NUDT3: variants seen among roughly 807,000 people sequenced by gnomAD.
The protein encoded by NUDT3 is diphosphoinositol polyphosphate phosphohydrolase 1.
Under a neutral mutation model 23.6 loss-of-function variants are expected in NUDT3, and 9 were observed. The ratio of observed to expected loss-of-function variants is 0.38; its 90% CI spans 0.23 to 0.66. The LOEUF (loss-of-function observed/expected upper bound fraction) is 0.66. NUDT3 is among the 30% of genes least tolerant of loss of function. NUDT3 has a pLI of 0.52. For missense variants in NUDT3, 172 were observed against 218.5 expected (o/e 0.79, Z 1.34); for synonymous variants, 86 against 82.6 (o/e 1.04, Z -0.22).
intron 2 of NUDT3, among the ~76,000 whole-genome samples, chr6:34,334,408 G>A: frequency 6.6e-6 from 1 of 152,150 alleles, no homozygotes; most frequent in South Asian, 2.1e-4. Context: ...GGAGGCCGAG[G>A]CAGGTGGATC....
rs1323853716 is a variant in NUDT3, at chr6:34,281,105, G to A, written c.*7648C>T. On this transcript the variant is annotated 3_prime_UTR_variant, in exon 5 of 5. Transcript: ENST00000607016. ...AGTTCATCTCTTTTATAAGTAGAAT[G>A]GTCCCAGGGATGTTAACCTTTCTGA... 2 of 152,186 alleles carry A rather than the reference G, an allele frequency of 1.3e-5. No homozygotes were observed. Among genetic ancestry groups the A allele is most frequent in the Non-Finnish European group, 2.9e-5 (2 of 68,034 alleles). The allele number at this position is 152,186 out of a possible 1,614,324, so 9.4% of individuals were successfully genotyped here.
intron 1 of NUDT3, among the ~76,000 whole-genome samples, chr6:34,343,776 A>G (rs918304722): frequency 2.0e-5 from 3 of 152,206 alleles, no homozygotes; most frequent in Non-Finnish European, 4.4e-5. Flanking sequence ...TCTGTGTAAC[A>G]AAGGACATAA....
At chr6:34,313,330 T>C (rs991223013) in intron 2 of NUDT3, among the ~76,000 whole-genome samples, 5 of 151,894 alleles carry the variant, frequency 3.3e-5, no homozygotes, top group Non-Finnish European at 7.4e-5. Flanking sequence ...AAAAGATCAG[T>C]GGTTGTCAGG....
chr6:34,353,279 C>T (rs1404327847), intron 1 of NUDT3, among the ~76,000 whole-genome samples: 4 of 152,114 alleles, frequency 2.6e-5, no homozygotes, highest in African/African-American at 9.7e-5. Flanking sequence ...TAAATAACCA[C>T]AGGGTATGTT....
intron 2 of NUDT3, among the ~76,000 whole-genome samples, chr6:34,326,456 G>A (rs929139770): frequency 2.0e-5 from 3 of 152,126 alleles, no homozygotes; most frequent in Non-Finnish European, 4.4e-5. Flanking sequence ...TACTTTGGTT[G>A]TTTTTCACTA....
intron 2 of NUDT3, among the ~76,000 whole-genome samples, chr6:34,332,442 C>A (rs1173069420): frequency 6.6e-6 from 1 of 151,898 alleles, no homozygotes; most frequent in African/African-American, 2.4e-5. Context: ...TCAGGGGCCA[C>A]CTCAGAGGCA....
Position 34,281,026 on chromosome 6 carries a change from CCA to C in NUDT3, c.*7725_*7726del, listed in dbSNP as rs1398030786. On this transcript the variant is annotated 3_prime_UTR_variant, in exon 5 of 5. Coordinates refer to ENST00000607016, the MANE Select transcript of NUDT3 (RefSeq NM_006703.4). ...CCCTGGAAACATTTGTTGAACTTGG[CCA>C]AGAGGAGATTGTATATGGATGGCAC... The C allele has an allele frequency of 6.6e-6, 1 of 152,110 alleles. No homozygotes were observed. The highest frequency in any genetic ancestry group is 2.4e-5 in the African/African-American group (1 of 41,390). 9.4% of individuals were successfully genotyped at this position (152,110 alleles called of 1,614,324 possible).
chr6:34,351,557 C>T (rs1222674489), intron 1 of NUDT3, among the ~76,000 whole-genome samples: 1 of 149,400 alleles, frequency 6.7e-6, no homozygotes, highest in African/African-American at 2.5e-5. Flanking sequence ...GCCTGGCCAA[C>T]ATGGTGAAAC....
chr6:34,290,695 T>C (rs184222681), intron 4 of NUDT3, among the ~76,000 whole-genome samples: 92 of 149,382 alleles, frequency 6.2e-4, no homozygotes, highest in African/African-American at 2.2e-3. Context: ...GTCTTTTTTT[T>C]TAAGACATTT....
chr6:34,315,668 G>C (rs1463748096), intron 2 of NUDT3, among the ~76,000 whole-genome samples: 2 of 152,118 alleles, frequency 1.3e-5, no homozygotes, highest in African/African-American at 4.8e-5. Context: ...TGCAGTTATA[G>C]GTTTCTGTGT....
intron 2 of NUDT3, among the ~76,000 whole-genome samples, chr6:34,297,822 C>A (rs1763538537): frequency 7.1e-6 from 1 of 140,278 alleles, no homozygotes; most frequent in African/African-American, 2.6e-5. Context: ...GTCTTGAACT[C>A]CTGACCTCAT....
Position 34,311,492 on chromosome 6 carries a change from T to C in NUDT3, c.211-15807A>G, listed in dbSNP as rs148443747. Among the ~76,000 whole-genome samples, 5 of 152,352 alleles carry C rather than the reference T, an allele frequency of 3.3e-5. No individual in the cohort carries two copies. In the East Asian group the frequency reaches 9.6e-4, roughly 29 times the overall value. ...ATAGGAAGACTCAACATTATTAATA[T>C]GTCAGTTCTTCCCAACTTGATTTAC... On this transcript the variant is annotated intron_variant, in intron 2 of 4. Transcript: ENST00000607016.
At chr6:34,307,562 G>A (rs918845186) in intron 2 of NUDT3, among the ~76,000 whole-genome samples, 2 of 152,082 alleles carry the variant, frequency 1.3e-5, no homozygotes, top group Non-Finnish European at 2.9e-5. Flanking sequence ...GGCAACAGTG[G>A]GAGAACCTGT....
chr6:34,367,935 G>A (rs1764764634), intron 1 of NUDT3, among the ~76,000 whole-genome samples: 1 of 152,196 alleles, frequency 6.6e-6, no homozygotes, highest in East Asian at 1.9e-4. Context: ...AGGCGCAGTG[G>A]CTCACGCCTG....
chr6:34,326,965 A>C (rs1764043642), intron 2 of NUDT3, among the ~76,000 whole-genome samples: 1 of 152,096 alleles, frequency 6.6e-6, no homozygotes, highest in Non-Finnish European at 1.5e-5. Flanking sequence ...CGAAATAAAG[A>C]CACAGGACAA....
At chr6:34,301,695 AC>A (rs1763600232) in intron 2 of NUDT3, among the ~76,000 whole-genome samples, 1 of 152,238 alleles carries the variant, frequency 6.6e-6, no homozygotes. Flanking sequence ...CCAGAAGTTG[AC>A]CTTGGCTTGT....
intron 4 of NUDT3, among the ~76,000 whole-genome samples, chr6:34,291,232 T>C (rs1372673073): frequency 4.6e-5 from 7 of 152,094 alleles, no homozygotes; most frequent in Non-Finnish European, 1.5e-5. Flanking sequence ...GTGCTGGGAT[T>C]ACAAACGTGA....
chr6:34,390,476 G>T (rs1036124412), intron 1 of NUDT3, among the ~76,000 whole-genome samples: 9 of 152,020 alleles, frequency 5.9e-5, no homozygotes, highest in Admixed American at 5.9e-4. Flanking sequence ...GTTTGCTTAT[G>T]ATCTATAGTT....
chr6:34,383,990 G>A (rs3778077), intron 1 of NUDT3, among the ~76,000 whole-genome samples: 11,203 of 152,228 alleles, frequency 0.074, 1,216 homozygotes, highest in East Asian at 0.43. Flanking sequence ...TGACCAAGAT[G>A]TGTTACAAAA....
Sources: allele counts gnomAD v4.1 joint callset (sites outside exome capture counted in the v4.1 genomes callset), GRCh38; gene constraint gnomAD v4.1.1; transcripts MANE v1.5; gene names NCBI Gene and HGNC (gene_info 2026-07-23, HGNC 2026-07-21).